STXBP5L: variants seen among roughly 807,000 people sequenced by gnomAD.
The protein encoded by STXBP5L is syntaxin binding protein 5L, also known as syntaxin-binding protein 5-like.
Under a neutral mutation model 144.5 loss-of-function variants are expected in STXBP5L, and 65 were observed. The ratio of observed to expected loss-of-function variants is 0.45; its 90% confidence interval spans 0.37 to 0.55. STXBP5L has a LOEUF of 0.55. Among genes scored for constraint, STXBP5L ranks in the 20% least tolerant of loss-of-function variants. STXBP5L has a pLI of 0.00. For synonymous variants in STXBP5L, 505 were observed against 469.6 expected (o/e 1.08, Z -0.97); for missense variants, 1,298 against 1,405.5 (o/e 0.92, Z 1.22).
intron 7 of STXBP5L, 130 bp downstream of exon 7, chr3:121,121,834 T>C (rs1048128845): frequency 3.8e-6 from 2 of 529,558 alleles, no homozygotes; most frequent in Non-Finnish European, 6.5e-6. Context: ...AATGAAAATG[T>C]GTTGAATCAA....
At chr3:120,918,111 C>A (rs1709193258) in intron 2 of STXBP5L, among the ~76,000 whole-genome samples, 1 of 152,156 alleles carries the variant, frequency 6.6e-6, no homozygotes, top group Non-Finnish European at 1.5e-5. Context: ...CAAAACCAGC[C>A]CCCTTCCATT....
At chr3:120,985,305 A>T (rs1272453168) in intron 3 of STXBP5L, among the ~76,000 whole-genome samples, 2 of 151,948 alleles carry the variant, frequency 1.3e-5, no homozygotes, top group Non-Finnish European at 2.9e-5. Flanking sequence ...TTGTCAGGAG[A>T]TGTCTTTTGT....
At chr3:121,350,066 C>T (rs1245172122) in intron 20 of STXBP5L, among the ~76,000 whole-genome samples, 1 of 152,104 alleles carries the variant, frequency 6.6e-6, no homozygotes, top group Admixed American at 6.6e-5. Context: ...ATGGTCTTTA[C>T]AATTTGGCAT....
chr3:120,978,249 T>A (rs957423835), intron 3 of STXBP5L, among the ~76,000 whole-genome samples: 1 of 152,212 alleles, frequency 6.6e-6, no homozygotes, highest in Non-Finnish European at 1.5e-5. Flanking sequence ...CGTTTCTTTT[T>A]ATTCTTTTTT....
intron 11 of STXBP5L, 45 bp from the exon 12 acceptor site, chr3:121,233,571 G>A (rs749276925): frequency 1.7e-5 from 25 of 1,462,936 alleles, no homozygotes; most frequent in East Asian, 4.9e-5. Context: ...TGATTTTATA[G>A]TATATACAAT....
At chr3:121,402,646 C>T (rs1037916823) in intron 22 of STXBP5L, among the ~76,000 whole-genome samples, 1 of 152,152 alleles carries the variant, frequency 6.6e-6, no homozygotes, top group African/African-American at 2.4e-5. Flanking sequence ...CTGAATATGG[C>T]TAGAGAAAAA....
At chr3:121,000,323 T>A (rs1032740790) in intron 3 of STXBP5L, among the ~76,000 whole-genome samples, 3 of 152,184 alleles carry the variant, frequency 2.0e-5, no homozygotes, top group Admixed American at 6.5e-5. Context: ...CTTTTTTCCT[T>A]ATTTTTTTCT....
chr3:121,388,750 T>C (rs2046494382), intron 22 of STXBP5L, among the ~76,000 whole-genome samples: 1 of 152,216 alleles, frequency 6.6e-6, no homozygotes, highest in South Asian at 2.1e-4. Context: ...GCCAACTTGA[T>C]CGTGGTGGAT....
intron 5 of STXBP5L, among the ~76,000 whole-genome samples, chr3:121,076,533 G>T (rs1053634224): frequency 3.9e-5 from 6 of 152,048 alleles, no homozygotes; most frequent in Non-Finnish European, 8.8e-5. Flanking sequence ...AGCCACTCAG[G>T]GCAGGTCTGA....
intron 9 of STXBP5L, among the ~76,000 whole-genome samples, chr3:121,194,626 G>C (rs1008509326): frequency 2.0e-5 from 3 of 151,924 alleles, no homozygotes; most frequent in African/African-American, 7.2e-5. Context: ...TTTTTTTGGA[G>C]GGTTTGTGAA....
chr3:121,389,816 A>C (rs2046529270), intron 22 of STXBP5L, among the ~76,000 whole-genome samples: 1 of 152,174 alleles, frequency 6.6e-6, no homozygotes, highest in African/African-American at 2.4e-5. Flanking sequence ...TTATGTGGTC[A>C]ATTTTGGAAC....
chr3:121,055,956 G>A (rs1281970871), intron 5 of STXBP5L, among the ~76,000 whole-genome samples: 1 of 151,238 alleles, frequency 6.6e-6, no homozygotes, highest in Non-Finnish European at 1.5e-5. Flanking sequence ...GCCTCCCAAA[G>A]TGCTGGGATT....
At chr3:121,183,594 A>G (rs568436349) in intron 9 of STXBP5L, among the ~76,000 whole-genome samples, 2 of 151,502 alleles carry the variant, frequency 1.3e-5, no homozygotes, top group African/African-American at 4.9e-5. Context: ...AGAAAGGAAG[A>G]AAGAAAGAAA....
intron 2 of STXBP5L, among the ~76,000 whole-genome samples, chr3:120,916,487 G>A (rs979505043): frequency 6.6e-6 from 1 of 152,022 alleles, no homozygotes; most frequent in Non-Finnish European, 1.5e-5. Flanking sequence ...TTTTAGTAGA[G>A]ACGGGGTTTC....
intron 6 of STXBP5L, among the ~76,000 whole-genome samples, chr3:121,116,315 A>AT (rs2044227644): frequency 6.6e-6 from 1 of 151,902 alleles, no homozygotes; most frequent in Non-Finnish European, 1.5e-5. Flanking sequence ...GGAAATAAAT[A>AT]TTTTACCTAA....
At chr3:121,070,373 G>T (rs1221537290) in intron 5 of STXBP5L, among the ~76,000 whole-genome samples, 1 of 152,210 alleles carries the variant, frequency 6.6e-6, no homozygotes, top group Non-Finnish European at 1.5e-5. Context: ...TGGAGTTGTG[G>T]AGTATAGATA....
chr3:120,942,801 C>A (rs1157179435), intron 2 of STXBP5L, among the ~76,000 whole-genome samples: 1 of 151,366 alleles, frequency 6.6e-6, no homozygotes, highest in Non-Finnish European at 1.5e-5. Context: ...ATGGGAATAG[C>A]AAATATATAT....
At chr3:121,156,539 A>C (rs1352978386) in intron 8 of STXBP5L, among the ~76,000 whole-genome samples, 1 of 151,948 alleles carries the variant, frequency 6.6e-6, no homozygotes, top group East Asian at 1.9e-4. Context: ...GTGGAAATGC[A>C]TATGACATTA....
At chr3:120,992,114 T>C (rs924679504) in intron 3 of STXBP5L, among the ~76,000 whole-genome samples, 2 of 152,186 alleles carry the variant, frequency 1.3e-5, no homozygotes, top group African/African-American at 4.8e-5. Context: ...AAAGAAAATC[T>C]ATGTCAATCT....
Sources: allele counts gnomAD v4.1 joint callset (sites outside exome capture counted in the v4.1 genomes callset), GRCh38; gene constraint gnomAD v4.1.1; transcripts MANE v1.5; gene names NCBI Gene and HGNC (gene_info 2026-07-23, HGNC 2026-07-21).